The following PRKG1 variants were observed in gnomAD, a reference collection of about 807,000 sequenced individuals.
PRKG1 encodes cGMP-dependent protein kinase 1.
Under a neutral mutation model 88.1 loss-of-function variants are expected in PRKG1, and 35 were observed. That is an observed-to-expected ratio of 0.40 (90% CI 0.30 to 0.53). The LOEUF is 0.53. PRKG1 is among the 20% of genes least tolerant of loss of function. The pLI is 0.59. For synonymous variants in PRKG1, 303 were observed against 292.5 expected (o/e 1.04, Z -0.37); for missense variants, 540 against 839.8 (o/e 0.64, Z 4.41).
chr10:52,281,589 A>C (rs929230625), intron 13 of PRKG1, among the ~76,000 whole-genome samples: 5 of 151,994 alleles, frequency 3.3e-5, no homozygotes, highest in Admixed American at 3.3e-4. Flanking sequence ...TGCAGTCGAC[A>C]CTCTTCCTTC....
At chr10:52,258,834 G>A (rs1841366973) in intron 10 of PRKG1, among the ~76,000 whole-genome samples, 1 of 152,034 alleles carries the variant, frequency 6.6e-6, no homozygotes, top group Non-Finnish European at 1.5e-5. Context: ...CATCAGGAGA[G>A]AGGTCATTTG....
chr10:51,023,649 A>G (rs1392506659), intron 1 of PRKG1, among the ~76,000 whole-genome samples: 1 of 152,226 alleles, frequency 6.6e-6, no homozygotes, highest in East Asian at 1.9e-4. Flanking sequence ...TAAAGCACAC[A>G]AAAAGCAGAT....
At chr10:51,664,000 G>A (rs1840363991) in intron 3 of PRKG1, among the ~76,000 whole-genome samples, 1 of 151,906 alleles carries the variant, frequency 6.6e-6, no homozygotes, top group African/African-American at 2.4e-5. Flanking sequence ...ATTTTGTTGA[G>A]TTTTGTTTTT....
chr10:51,334,152 T>TC (rs1841809659), intron 2 of PRKG1, among the ~76,000 whole-genome samples: 8 of 137,134 alleles, frequency 5.8e-5, no homozygotes, highest in East Asian at 2.2e-4. Flanking sequence ...CTCTCTCTCT[T>TC]TCTCTCTCTC....
At chr10:51,492,716 G>A (rs981723619) in intron 3 of PRKG1, among the ~76,000 whole-genome samples, 6 of 151,980 alleles carry the variant, frequency 3.9e-5, no homozygotes, top group African/African-American at 1.2e-4. Flanking sequence ...ATCCTTAAAC[G>A]GTTAGCATAA....
chr10:51,598,841 A>G (rs1017661864), intron 3 of PRKG1, among the ~76,000 whole-genome samples: 1 of 152,162 alleles, frequency 6.6e-6, no homozygotes, highest in African/African-American at 2.4e-5. Flanking sequence ...AGTGAATGGG[A>G]AACAATTTAA....
At chr10:51,333,199 T>C (rs1841785764) in intron 2 of PRKG1, among the ~76,000 whole-genome samples, 1 of 152,246 alleles carries the variant, frequency 6.6e-6, no homozygotes, top group Non-Finnish European at 1.5e-5. Context: ...GTTTTGAAGA[T>C]AATGTAAACT....
rs146165803 is a variant in PRKG1, at chr10:51,224,496, T to C, written c.478+71166T>C. Among the ~76,000 whole-genome samples, 494 of 152,386 alleles carry C rather than the reference T, an allele frequency of 3.2e-3. 2 individuals carry two copies. Among genetic ancestry groups the C allele is most frequent in the African/African-American group, 0.011 (475 of 41,592 alleles). ...ACATCAAACTAATTTGCATTTGTGCTTGAGAAATTTTTCCCAGGTGGCACA... is the reference window on the plus strand; with the variant it reads ...ACATCAAACTAATTTGCATTTGTGCCTGAGAAATTTTTCCCAGGTGGCACA... On this transcript the variant is annotated intron_variant, in intron 2 of 17. Coordinates refer to ENST00000373980, the MANE Select transcript of PRKG1 (RefSeq NM_006258.4).
intron 3 of PRKG1, among the ~76,000 whole-genome samples, chr10:51,736,901 A>C (rs1453506438): frequency 6.6e-6 from 1 of 151,740 alleles, no homozygotes; most frequent in Non-Finnish European, 1.5e-5. Flanking sequence ...TTTCCAAAGT[A>C]CTGGGATTAC....
In PRKG1 at chr10:51,464,105, A is replaced by T. The variant is rs550017029; in HGVS notation, c.479-3618A>T. Among the ~76,000 whole-genome samples, 6 of 148,572 alleles carry T rather than the reference A, an allele frequency of 4.0e-5. No homozygotes were observed. In the East Asian group the frequency reaches 1.3e-3, roughly 32 times the overall value. On this transcript the variant is annotated intron_variant, in intron 2 of 17. Transcript: ENST00000373980. The stretch of plus-strand genomic sequence containing the variant: ...GCCAACATGGTGAAAACCCATCTCT[A>T]CTAAAATACAAAAAGAAAAAAAAAA...
rs543756308 is a variant in PRKG1, at chr10:51,284,984, C to T, written c.478+131654C>T. Among the ~76,000 whole-genome samples, 525 of 141,612 alleles carry T rather than the reference C, an allele frequency of 3.7e-3. 4 individuals carry two copies. The highest frequency in any genetic ancestry group is 0.025 in the South Asian group (105 of 4,230). The allele number at this position is 141,612 out of a possible 152,430, so 92.9% of individuals were successfully genotyped here. A position where few individuals can be genotyped will look rare whatever the true frequency, so the allele number is the denominator to read the frequency against. ...TATGTATACATGTGCCATGCTGGTGCGCTGCACCCACTAACTCGTCATCTA... is the reference window on the plus strand; with the variant it reads ...TATGTATACATGTGCCATGCTGGTGTGCTGCACCCACTAACTCGTCATCTA... On this transcript the variant is annotated intron_variant, in intron 2 of 17. Coordinates refer to ENST00000373980, the MANE Select transcript of PRKG1 (RefSeq NM_006258.4).
intron 2 of PRKG1, among the ~76,000 whole-genome samples, chr10:51,461,613 A>G (rs1839747876): frequency 6.6e-6 from 1 of 152,206 alleles, no homozygotes; most frequent in Non-Finnish European, 1.5e-5. Context: ...GTTCAGATCC[A>G]GAGAGACTTT....
At chr10:50,996,159 A>G (rs181859924) in intron 1 of PRKG1, among the ~76,000 whole-genome samples, 54 of 152,300 alleles carry the variant, frequency 3.5e-4, no homozygotes, top group African/African-American at 1.2e-3. Context: ...GCAATCTTAG[A>G]GCTGTGCTGA....
At chr10:51,783,613 C>A (rs961270751) in intron 3 of PRKG1, among the ~76,000 whole-genome samples, 8 of 152,038 alleles carry the variant, frequency 5.3e-5, no homozygotes, top group African/African-American at 1.9e-4. Flanking sequence ...GAATCCTGGA[C>A]AAGCAGCATT....
intron 2 of PRKG1, among the ~76,000 whole-genome samples, chr10:51,309,628 C>A (rs1429717193): frequency 6.6e-6 from 1 of 152,086 alleles, no homozygotes; most frequent in Non-Finnish European, 1.5e-5. Context: ...AAATGGAACA[C>A]TCATACACAA....
chr10:51,888,845 G>A (rs1405978622), intron 4 of PRKG1, among the ~76,000 whole-genome samples: 2 of 152,108 alleles, frequency 1.3e-5, no homozygotes, highest in African/African-American at 4.8e-5. Context: ...ACAATAAAAT[G>A]AACTAGTTCA....
chr10:52,017,909 T>G (rs541865351), intron 5 of PRKG1, among the ~76,000 whole-genome samples: 1 of 152,336 alleles, frequency 6.6e-6, no homozygotes, highest in East Asian at 1.9e-4. Context: ...ATTGTAATAT[T>G]AGCATTAAGA....
chr10:51,416,536 C>T lies in PRKG1; in HGVS notation c.479-51187C>T, dbSNP rs373119418. Among the ~76,000 whole-genome samples, 11 of 152,166 alleles carry T rather than the reference C, an allele frequency of 7.2e-5. No individual in the cohort carries two copies. The South Asian group carries it at 1.7e-3, about 23-fold the overall frequency. On this transcript the variant is annotated intron_variant, in intron 2 of 17. Transcript: ENST00000373980. ...CTGTCTCAACCAGTTTCAAACTATGCCACCGGGACACAGTAATCTTGTTCT... is the reference window on the plus strand; with the variant it reads ...CTGTCTCAACCAGTTTCAAACTATGTCACCGGGACACAGTAATCTTGTTCT...
At position 52,007,290 on chromosome 10, in the gene PRKG1, T is replaced by A. The variant is rs149539000; in HGVS notation, c.763-47194T>A. Among the ~76,000 whole-genome samples, 228 of 152,266 alleles carry A rather than the reference T, an allele frequency of 1.5e-3. 3 individuals are homozygous for A. Among genetic ancestry groups the A allele is most frequent in the Admixed American group, 0.013 (193 of 15,282 alleles). Reference sequence around the variant, plus strand: ...CACATGTATCAAAACTAACCTTCAGTGTAAACAGGCTAAATGCCCCCATTT... The same window carrying A: ...CACATGTATCAAAACTAACCTTCAGAGTAAACAGGCTAAATGCCCCCATTT... On this transcript the variant is annotated intron_variant, in intron 5 of 17. Coordinates refer to ENST00000373980, the MANE Select transcript of PRKG1 (RefSeq NM_006258.4).
Sources: gnomAD v4.1 joint callset for allele counts (sites outside exome capture counted in the v4.1 genomes callset) on GRCh38, gnomAD v4.1.1 for gene constraint, MANE v1.5 for transcripts, NCBI Gene and HGNC (gene_info 2026-07-23, HGNC 2026-07-21) for gene names.